ZNF426: variants seen among roughly 807,000 people sequenced by gnomAD.
ZNF426 encodes the protein zinc finger protein 426, also known as CTC-543D15.7.
In ZNF426, 23 loss-of-function variants were observed where a neutral mutation model predicts 24.0. The observed-to-expected ratio is 0.96, with a 90% CI of 0.69 to 1.36. ZNF426 has a LOEUF of 1.36. Ranked by LOEUF, ZNF426 falls within the 40% of genes most tolerant of loss-of-function variation. The pLI is 0.00. For missense variants in ZNF426, 646 were observed against 658.4 expected (o/e 0.98, Z 0.21); for synonymous variants, 272 against 224.6 (o/e 1.21, Z -1.89).
chr19:9,533,783 G>A (rs2073922914), intron 5 of ZNF426, 57 bp downstream of exon 5: 1 of 1,605,524 alleles, frequency 6.2e-7, no homozygotes. Flanking sequence ...CTGCAAAACA[G>A]TAAGTACAAA....
intron 6 of ZNF426, among the ~76,000 whole-genome samples, chr19:9,531,374 G>C (rs1439609321): frequency 6.6e-6 from 1 of 152,158 alleles, no homozygotes; most frequent in Admixed American, 6.5e-5. Flanking sequence ...AACAAACAGA[G>C]TGAACCACAA....
In ZNF426 at chr19:9,531,085, A is replaced by C; in HGVS notation, c.326-18T>G. The C allele has an allele frequency of 6.2e-7, 1 of 1,607,510 alleles. No homozygotes were observed. The highest frequency in any genetic ancestry group is 8.5e-7 in the Non-Finnish European group (1 of 1,174,002). ...TTCCCATCCTGAAATAAAACAGACA[A>C]ACAAATAAAAGGACTCAAGCTAGGC... On this transcript the variant is annotated intron_variant, in intron 6 of 7. Transcript: ENST00000253115.
At chr19:9,529,806 T>C (rs1330085731) in intron 7 of ZNF426, among the ~76,000 whole-genome samples, 170 bp from the exon 8 acceptor site, 1 of 152,164 alleles carries the variant, frequency 6.6e-6, no homozygotes, top group Non-Finnish European at 1.5e-5. Context: ...TTAACTCTTA[T>C]TCTAGAATGT....
At chr19:9,534,040 G>A (rs2073928301) in intron 4 of ZNF426, 74 bp from the exon 5 acceptor site, 1 of 1,570,020 alleles carries the variant, frequency 6.4e-7, no homozygotes, top group Non-Finnish European at 8.6e-7. Flanking sequence ...TGAGGAAGGG[G>A]GACCCAATGC....
rs1394589719 is a variant in ZNF426, at chr19:9,528,307, G to A, written c.*73C>T. ...ATGCAGCTTCTTCTCTCCAGAGTGA[G>A]TTCATTCATGTCTTTAAAGTGAACT... On this transcript the variant is annotated 3_prime_UTR_variant, in exon 8 of 8. Coordinates refer to ENST00000253115, the MANE Select transcript of ZNF426 (RefSeq NM_024106.3). 5 of 1,414,042 alleles carry A rather than the reference G, an allele frequency of 3.5e-6. No individual in the cohort carries two copies. Among genetic ancestry groups the A allele is most frequent in the Non-Finnish European group, 4.8e-6 (5 of 1,043,322 alleles). 87.6% of individuals were successfully genotyped at this position (1,414,042 alleles called of 1,614,324 possible).
rs2073765976 is a variant in ZNF426, at chr19:9,523,863, T to C, written c.*4517A>G. On this transcript the variant is annotated 3_prime_UTR_variant, in exon 8 of 8. Coordinates refer to ENST00000253115, the MANE Select transcript of ZNF426 (RefSeq NM_024106.3). The stretch of plus-strand genomic sequence containing the variant: ...ACCTCCTGCTGTGCACCCTGGATCC[T>C]AGCAGGCCACAGACCAGTACCAGTC... The C allele has an allele frequency of 1.3e-5, 2 of 152,248 alleles. No homozygotes were observed. The highest frequency in any genetic ancestry group is 4.1e-4 in the South Asian group (2 of 4,834). The allele number at this position is 152,248 out of a possible 1,614,324, so 9.4% of individuals were successfully genotyped here.
At position 9,528,714 on chromosome 19, in the gene ZNF426, G is replaced by A. The variant is rs1437470863; in HGVS notation, c.1331C>T (p.Ala444Val). The change falls in exon 8 of 8, where the codon GCC (alanine) becomes GTC (valine). Residue 444 changes from alanine to valine, a missense_variant. Coordinates refer to ENST00000253115, the MANE Select transcript of ZNF426 (RefSeq NM_024106.3). ...CLNNHMRTHSAQKPYTCKECG... is the reference protein window; with the variant it reads ...CLNNHMRTHSVQKPYTCKECG... ...TTCCTTACAGGTGTATGGTTTCTGG[G>A]CACTGTGCGTTCGCATGTGATTATT... The A allele has an allele frequency of 6.2e-7, 1 of 1,613,882 alleles. No homozygotes were observed. Among genetic ancestry groups the A allele is most frequent in the Admixed American group, 1.7e-5 (1 of 59,986 alleles).
chr19:9,529,520 G>C lies in ZNF426; in HGVS notation c.525C>G (p.Asp175Glu), dbSNP rs780139761. The C allele has an allele frequency of 6.2e-6, 10 of 1,612,826 alleles. No homozygotes were observed. The South Asian group carries it at 1.1e-4, about 18-fold the overall frequency. Residue 175 changes from aspartate to glutamate, a missense_variant, in exon 8 of 8, where the codon GAC becomes GAG. Asp to Glu is a conservative substitution (Grantham distance 45). Transcript: ENST00000253115. Reference protein sequence around the residue: ...VRTQSTGNTHDCNQYGKDFLT... With the variant: ...VRTQSTGNTHECNQYGKDFLT... ...GGAAATCTTTTCCATACTGATTACAGTCATGAGTGTTCCCTGTACTTTGAG... is the reference window on the plus strand; with the variant it reads ...GGAAATCTTTTCCATACTGATTACACTCATGAGTGTTCCCTGTACTTTGAG...
At position 9,528,511 on chromosome 19, in the gene ZNF426, C is replaced by T; in HGVS notation, c.1534G>A (p.Ala512Thr). ...KPYECKECGKAFTCSSSFRIH... is the reference protein window; with the variant it reads ...KPYECKECGKTFTCSSSFRIH... ...CTAAAGGAACTGGAACACGTGAAGG[C>T]TTTCCCACACTCCTTGCATTCATAG... The change falls in exon 8 of 8, where the codon GCC becomes ACC. Residue 512 changes from alanine to threonine, a missense_variant. Transcript: ENST00000253115. 6.2e-7 allele frequency: 1 copy of T among 1,614,200 alleles called. No individual in the cohort carries two copies. Among genetic ancestry groups the T allele is most frequent in the Non-Finnish European group, 8.5e-7 (1 of 1,180,040 alleles).
rs1276130258 is a variant in ZNF426, at chr19:9,536,240, G to A, written c.-8C>T. 1 of 1,614,202 alleles carries A rather than the reference G, an allele frequency of 6.2e-7. No individual in the cohort carries two copies. Among genetic ancestry groups the A allele is most frequent in the African/African-American group, 1.3e-5 (1 of 75,042 alleles). Reference sequence around the variant, plus strand: ...CAAATCAGCAGCTGCCATCCCGCGAGGTGAGAACGTGTCAGAACCCTCCTT... The same window carrying A: ...CAAATCAGCAGCTGCCATCCCGCGAAGTGAGAACGTGTCAGAACCCTCCTT... On this transcript the variant is annotated 5_prime_UTR_variant, in exon 3 of 8. Transcript: ENST00000253115.
chr19:9,535,435 C>A (rs1270100483), intron 3 of ZNF426, among the ~76,000 whole-genome samples, 156 bp from the exon 4 acceptor site: 1 of 152,094 alleles, frequency 6.6e-6, no homozygotes, highest in Non-Finnish European at 1.5e-5. Context: ...CATCTGTAAT[C>A]CTAGTGCTCT....
intron 7 of ZNF426, 86 bp downstream of exon 7, chr19:9,530,899 A>C (rs1180359329): frequency 2.8e-6 from 3 of 1,078,566 alleles, no homozygotes; most frequent in East Asian, 2.4e-5. Flanking sequence ...TCTCTCAAAT[A>C]TCTCTTATTT....
chr19:9,523,331 C>A lies in ZNF426; in HGVS notation c.*5049G>T, dbSNP rs922729020. The A allele has an allele frequency of 6.6e-6, 1 of 152,094 alleles. No individual in the cohort carries two copies. Among genetic ancestry groups the A allele is most frequent in the African/African-American group, 2.4e-5 (1 of 41,402 alleles). The allele number at this position is 152,094 out of a possible 1,614,324, so 9.4% of individuals were successfully genotyped here. ...CTATAATGAGCCTTAAAAGAAGGAT[C>A]TCCTCCAGGAATCTCTCTTTGCCTT... On this transcript the variant is annotated 3_prime_UTR_variant, in exon 8 of 8. Coordinates refer to ENST00000253115, the MANE Select transcript of ZNF426 (RefSeq NM_024106.3).
chr19:9,537,925 C>T (rs191332590), intron 2 of ZNF426, among the ~76,000 whole-genome samples: 10 of 152,244 alleles, frequency 6.6e-5, no homozygotes, highest in Admixed American at 5.9e-4. Flanking sequence ...TATTGTGATA[C>T]TAGAATAATA....
chr19:9,530,527 C>G (rs2073867483), intron 7 of ZNF426, among the ~76,000 whole-genome samples: 1 of 151,636 alleles, frequency 6.6e-6, no homozygotes, highest in Non-Finnish European at 1.5e-5. Context: ...CTTTTGTAAA[C>G]TGAGGCAGAG....
intron 2 of ZNF426, among the ~76,000 whole-genome samples, chr19:9,537,361 C>A (rs1017641174): frequency 1.3e-5 from 2 of 152,054 alleles, no homozygotes; most frequent in Non-Finnish European, 2.9e-5. Flanking sequence ...ATAGATCACA[C>A]CTACTCCCAG....
rs1453236043 is a variant in ZNF426, at chr19:9,527,359, C to A, written c.*1021G>T. The A allele has an allele frequency of 6.6e-6, 1 of 152,206 alleles. No individual in the cohort carries two copies. Among genetic ancestry groups the A allele is most frequent in the African/African-American group, 2.4e-5 (1 of 41,448 alleles). 9.4% of individuals were successfully genotyped at this position (152,206 alleles called of 1,614,324 possible). On this transcript the variant is annotated 3_prime_UTR_variant, in exon 8 of 8. Coordinates refer to ENST00000253115, the MANE Select transcript of ZNF426 (RefSeq NM_024106.3). ...TCCACAATCCTAATGGGATTTCAGT[C>A]CACTCCAAGTTCCAGTATGGTGTAT...
chr19:9,536,939 C>T (rs1287472121), intron 2 of ZNF426, among the ~76,000 whole-genome samples: 1 of 152,072 alleles, frequency 6.6e-6, no homozygotes, highest in Non-Finnish European at 1.5e-5. Flanking sequence ...TCAAGACCGG[C>T]CTAACCAACA....
At chr19:9,532,065 C>T (rs183701275) in intron 6 of ZNF426, among the ~76,000 whole-genome samples, 2 of 152,208 alleles carry the variant, frequency 1.3e-5, no homozygotes, top group East Asian at 3.9e-4. Context: ...TGAATCATGG[C>T]TAGTTCTGAA....
Sources: gnomAD v4.1 joint callset for allele counts (sites outside exome capture counted in the v4.1 genomes callset) on GRCh38, gnomAD v4.1.1 for gene constraint, MANE v1.5 for transcripts, NCBI Gene and HGNC (gene_info 2026-07-23, HGNC 2026-07-21) for gene names.